The following NAV2 variants were observed in gnomAD, a reference collection of about 807,000 sequenced individuals.
The protein encoded by NAV2 is helicase, APC down-regulated 1.
Under a neutral mutation model 223.2 loss-of-function variants are expected in NAV2, and 54 were observed. That is an observed-to-expected ratio of 0.24 (90% confidence interval 0.19 to 0.30). The LOEUF is 0.30. Among genes scored for constraint, NAV2 ranks in the 10% least tolerant of loss-of-function variants. The pLI, the probability that NAV2 is intolerant of heterozygous loss-of-function variation, is 1.00. For missense variants in NAV2, 2,806 were observed against 3,147.5 expected (o/e 0.89, Z 2.60); for synonymous variants, 1,279 against 1,239.3 (o/e 1.03, Z -0.67).
intron 1 of NAV2, among the ~76,000 whole-genome samples, chr11:19,477,913 A>G (rs538051612): frequency 6.6e-6 from 1 of 152,218 alleles, no homozygotes; most frequent in Non-Finnish European, 1.5e-5. Context: ...GGCCTTCAGA[A>G]TATAGCACTA....
chr11:20,088,461 C>A (rs2436191), intron 26 of NAV2, among the ~76,000 whole-genome samples: 1 of 152,168 alleles, frequency 6.6e-6, no homozygotes, highest in South Asian at 2.1e-4. Flanking sequence ...AGGCGTGAGC[C>A]GCCAACCCGG....
chr11:19,747,677 C>T (rs1174920887), intron 1 of NAV2, among the ~76,000 whole-genome samples: 1 of 152,046 alleles, frequency 6.6e-6, no homozygotes, highest in Non-Finnish European at 1.5e-5. Flanking sequence ...TTCCTGGCGT[C>T]CTCTGCTCCC....
At chr11:19,816,766 C>T (rs1334678022) in intron 1 of NAV2, among the ~76,000 whole-genome samples, 1 of 152,158 alleles carries the variant, frequency 6.6e-6, no homozygotes, top group Admixed American at 6.5e-5. Context: ...GCTTTATGGT[C>T]CATTGTTTGT....
At chr11:19,526,943 C>T (rs2043858912) in intron 1 of NAV2, among the ~76,000 whole-genome samples, 1 of 152,184 alleles carries the variant, frequency 6.6e-6, no homozygotes, top group South Asian at 2.1e-4. Context: ...TTCCTGAGGA[C>T]ATCCTAGGTC....
intron 1 of NAV2, among the ~76,000 whole-genome samples, chr11:19,693,067 G>A (rs2049227542): frequency 6.6e-6 from 1 of 152,210 alleles, no homozygotes; most frequent in African/African-American, 2.4e-5. Flanking sequence ...GCTGGCACTT[G>A]CCAATTAAGC....
At chr11:19,407,420 G>A (rs1849946799) in intron 1 of NAV2, among the ~76,000 whole-genome samples, 1 of 152,214 alleles carries the variant, frequency 6.6e-6, no homozygotes, top group South Asian at 2.1e-4. Flanking sequence ...CATGTGCAAA[G>A]AGGATGGCAT....
chr11:19,910,188 G>A (rs910024668), intron 6 of NAV2, among the ~76,000 whole-genome samples: 3 of 152,220 alleles, frequency 2.0e-5, no homozygotes, highest in African/African-American at 7.2e-5. Flanking sequence ...CTAAGGGCCA[G>A]TGTTGACATT....
At chr11:19,854,967 G>A (rs1451266831) in intron 3 of NAV2, among the ~76,000 whole-genome samples, 1 of 152,128 alleles carries the variant, frequency 6.6e-6, no homozygotes, top group Non-Finnish European at 1.5e-5. Flanking sequence ...CTTGCTGTTT[G>A]GTTGTTAATG....
intron 11 of NAV2, among the ~76,000 whole-genome samples, chr11:20,035,120 G>A (rs2056222103): frequency 6.6e-6 from 1 of 152,022 alleles, no homozygotes; most frequent in African/African-American, 2.4e-5. Flanking sequence ...CCATTAGGGA[G>A]CAGAAGCAGA....
At chr11:19,358,794 T>C (rs1288180930) in intron 1 of NAV2, among the ~76,000 whole-genome samples, 1 of 152,218 alleles carries the variant, frequency 6.6e-6, no homozygotes, top group Non-Finnish European at 1.5e-5. Context: ...AGTTAAAATA[T>C]TTCTCCTTGT....
At position 19,968,259 on chromosome 11, in the gene NAV2, G is replaced by A. The variant is rs564628545; in HGVS notation, c.2646-15866G>A. On this transcript the variant is annotated intron_variant, in intron 10 of 37. Transcript: ENST00000349880. Reference sequence around the variant, plus strand: ...GTTGCCCAGGCTGGAGTGCAGTGGCGCAATCTCGGCTCACTGCAACCTCCG... The same window carrying A: ...GTTGCCCAGGCTGGAGTGCAGTGGCACAATCTCGGCTCACTGCAACCTCCG... 5.9e-5 allele frequency among the ~76,000 whole-genome samples: 9 copies of A among 152,226 alleles called. No individual in the cohort carries two copies. In the East Asian group the frequency reaches 7.7e-4, roughly 13 times the overall value.
chr11:19,801,725 C>G (rs1227654070), intron 1 of NAV2, among the ~76,000 whole-genome samples: 1 of 152,162 alleles, frequency 6.6e-6, no homozygotes, highest in East Asian at 1.9e-4. Flanking sequence ...AATCTGAGTT[C>G]AAATCCCGGC....
chr11:19,600,937 A>T (rs1201296223), intron 1 of NAV2, among the ~76,000 whole-genome samples: 3 of 152,198 alleles, frequency 2.0e-5, no homozygotes, highest in African/African-American at 7.2e-5. Flanking sequence ...GTGACTTTGT[A>T]ATCATTAATA....
At chr11:19,743,786 G>A (rs2053078222) in intron 1 of NAV2, among the ~76,000 whole-genome samples, 1 of 152,244 alleles carries the variant, frequency 6.6e-6, no homozygotes, top group Non-Finnish European at 1.5e-5. Flanking sequence ...CATCCCGGCA[G>A]CTTCTCACTG....
intron 12 of NAV2, among the ~76,000 whole-genome samples, chr11:20,036,715 AC>A (rs1229168873): frequency 2.0e-5 from 3 of 152,192 alleles, no homozygotes; most frequent in African/African-American, 2.4e-5. Context: ...CTTGAGAAAA[AC>A]AAAGATATTG....
At chr11:19,786,881 T>C (rs974896102) in intron 1 of NAV2, among the ~76,000 whole-genome samples, 1 of 152,104 alleles carries the variant, frequency 6.6e-6, no homozygotes, top group African/African-American at 2.4e-5. Context: ...CCTCAGCTAC[T>C]GGGGAGGTGG....
At chr11:19,641,590 T>G (rs74617825) in intron 1 of NAV2, among the ~76,000 whole-genome samples, 2,102 of 151,796 alleles carry the variant, frequency 0.014, 62 homozygotes, top group East Asian at 0.087. Flanking sequence ...CCACTTCCAT[T>G]TTTGCTTACT....
chr11:20,098,990 G>C (rs1429675481), intron 31 of NAV2, among the ~76,000 whole-genome samples: 1 of 152,196 alleles, frequency 6.6e-6, no homozygotes, highest in African/African-American at 2.4e-5. Context: ...GAACCTGAAG[G>C]AAAGAGGGGT....
intron 1 of NAV2, among the ~76,000 whole-genome samples, chr11:19,531,274 C>G (rs1353646827): frequency 6.6e-6 from 1 of 152,096 alleles, no homozygotes; most frequent in Non-Finnish European, 1.5e-5. Flanking sequence ...TTATAAGTTA[C>G]TTTAAAAATG....
Sources: allele counts gnomAD v4.1 joint callset (sites outside exome capture counted in the v4.1 genomes callset), GRCh38; gene constraint gnomAD v4.1.1; transcripts MANE v1.5; gene names NCBI Gene and HGNC (gene_info 2026-07-23, HGNC 2026-07-21).